Variants in TAS2R1 observed in about 807,000 individuals in gnomAD.
The protein encoded by TAS2R1 is taste receptor type 2 member 1.
For synonymous variants in TAS2R1, 141 were observed against 134.2 expected, an observed-to-expected ratio of 1.05 and a Z score of -0.35; for missense variants, 370 against 353.4, an observed-to-expected ratio of 1.05 and a Z score of -0.38.
the TAS2R1 span, among the ~76,000 whole-genome samples, chr5:9,731,577 T>A: frequency 6.6e-6 from 1 of 152,238 alleles, no homozygotes; most frequent in Non-Finnish European, 1.5e-5. Flanking sequence ...TTTGCACACC[T>A]GCAGTTTCCT....
At chr5:9,718,405 G>A in the TAS2R1 span, among the ~76,000 whole-genome samples, 3 of 152,084 alleles carry the variant, frequency 2.0e-5, no homozygotes, top group Non-Finnish European at 4.4e-5. Flanking sequence ...ACAGAAAAAT[G>A]GGCAAACACA....
the TAS2R1 span, among the ~76,000 whole-genome samples, chr5:9,822,117 C>A: frequency 6.6e-6 from 1 of 152,134 alleles, no homozygotes; most frequent in African/African-American, 2.4e-5. Context: ...ACACTAAATT[C>A]TTTCCTTCCT....
the TAS2R1 span, among the ~76,000 whole-genome samples, chr5:9,796,027 T>C: frequency 6.6e-6 from 1 of 152,118 alleles, no homozygotes; most frequent in Non-Finnish European, 1.5e-5. Flanking sequence ...ATAGACAAAT[T>C]AACCCCAATG....
chr5:9,683,186 T>G (rs1741059916), intron 1 of TAS2R1, among the ~76,000 whole-genome samples: 2 of 151,898 alleles, frequency 1.3e-5, no homozygotes, highest in Non-Finnish European at 2.9e-5. Context: ...TCCTAATAAT[T>G]TAATATTAAT....
the TAS2R1 span, among the ~76,000 whole-genome samples, chr5:9,867,968 C>CT: frequency 6.6e-6 from 1 of 152,170 alleles, no homozygotes; most frequent in Non-Finnish European, 1.5e-5. Context: ...AAATGATCTC[C>CT]TTTGACTCCA....
intron 1 of TAS2R1, among the ~76,000 whole-genome samples, chr5:9,662,436 A>C (rs576466965): frequency 6.6e-6 from 1 of 152,268 alleles, no homozygotes; most frequent in East Asian, 1.9e-4. Context: ...CCAAGGGGAA[A>C]ATGTCAGAGA....
chr5:9,670,505 G>A (rs938302225), intron 1 of TAS2R1, among the ~76,000 whole-genome samples: 1 of 152,182 alleles, frequency 6.6e-6, no homozygotes, highest in African/African-American at 2.4e-5. Flanking sequence ...CTTCCACCAT[G>A]TGGCTGCACT....
chr5:9,871,349 G>A, the TAS2R1 span, among the ~76,000 whole-genome samples: 2 of 152,148 alleles, frequency 1.3e-5, no homozygotes, highest in African/African-American at 4.8e-5. Flanking sequence ...CATTTCAGAG[G>A]CTGGCTGCAT....
the TAS2R1 span, among the ~76,000 whole-genome samples, chr5:9,877,730 G>A: frequency 6.6e-6 from 1 of 152,144 alleles, no homozygotes; most frequent in Non-Finnish European, 1.5e-5. Flanking sequence ...TTAAACAGCT[G>A]GAAGCATTTT....
At chr5:9,849,167 C>T in the TAS2R1 span, among the ~76,000 whole-genome samples, 2 of 152,126 alleles carry the variant, frequency 1.3e-5, no homozygotes, top group African/African-American at 2.4e-5. Context: ...TCCTGGGATC[C>T]GAACTGAAAA....
At chr5:9,741,640 G>A in the TAS2R1 span, among the ~76,000 whole-genome samples, 1 of 152,098 alleles carries the variant, frequency 6.6e-6, no homozygotes, top group Admixed American at 6.5e-5. Context: ...ATGGCAGAAG[G>A]GGATCTGGGT....
chr5:9,778,111 ACCT>A, the TAS2R1 span, among the ~76,000 whole-genome samples: 1 of 151,566 alleles, frequency 6.6e-6, no homozygotes, highest in Non-Finnish European at 1.5e-5. Context: ...CGATCTCCTG[ACCT>A]CATGATCCAC....
chr5:9,755,292 T>C, the TAS2R1 span, among the ~76,000 whole-genome samples: 1 of 151,678 alleles, frequency 6.6e-6, no homozygotes, highest in Non-Finnish European at 1.5e-5. Flanking sequence ...ATTAAGAAAG[T>C]AAAGAAAGAA....
the TAS2R1 span, among the ~76,000 whole-genome samples, chr5:9,755,865 G>C: frequency 6.6e-6 from 1 of 152,172 alleles, no homozygotes; most frequent in Non-Finnish European, 1.5e-5. Flanking sequence ...TAGCAGTGAG[G>C]ACAGTCAGAG....
At chr5:9,791,189 AAC>A in the TAS2R1 span, among the ~76,000 whole-genome samples, 1,181 of 152,022 alleles carry the variant, frequency 7.8e-3, 9 homozygotes, top group African/African-American at 0.027. Context: ...TAGTGGAGTG[AAC>A]ACACACACAC....
At chr5:9,719,707 T>A in the TAS2R1 span, among the ~76,000 whole-genome samples, 1 of 151,846 alleles carries the variant, frequency 6.6e-6, no homozygotes, top group Non-Finnish European at 1.5e-5. Flanking sequence ...GGCGGGCGGA[T>A]CACGAGGTCA....
chr5:9,672,236 G>T (rs1489888827), intron 1 of TAS2R1, among the ~76,000 whole-genome samples: 2 of 152,088 alleles, frequency 1.3e-5, no homozygotes, highest in Non-Finnish European at 2.9e-5. Flanking sequence ...CCCTGACAAA[G>T]GTTTCATGAT....
chr5:9,792,046 G>A, the TAS2R1 span, among the ~76,000 whole-genome samples: 66,603 of 152,026 alleles, frequency 0.44, 16,212 homozygotes, highest in African/African-American at 0.65. Flanking sequence ...CAAGGACTTC[G>A]GATTTGATTT....
chr5:9,654,539 A>T (rs940737754), intron 2 of TAS2R1, among the ~76,000 whole-genome samples: 3 of 152,338 alleles, frequency 2.0e-5, no homozygotes, highest in Admixed American at 6.5e-5. Context: ...AGCAACAATG[A>T]TGAAAACTAA....
Sources: allele counts gnomAD v4.1 joint callset (sites outside exome capture counted in the v4.1 genomes callset), GRCh38; gene constraint gnomAD v4.1.1; transcripts MANE v1.5; gene names NCBI Gene and HGNC (gene_info 2026-07-23, HGNC 2026-07-21).